Variants in SH2D4B observed in about 807,000 individuals in gnomAD.
The protein encoded by SH2D4B is SH2 domain-containing protein 4B.
SH2D4B carries 45 observed loss-of-function variants against 61.5 expected under a neutral mutation model. The observed-to-expected ratio is 0.73, with a 90% CI of 0.58 to 0.94. SH2D4B has a LOEUF of 0.94. Ranked by LOEUF, SH2D4B falls within the 40% of genes least tolerant of loss-of-function variation. The pLI, the probability that SH2D4B is intolerant of heterozygous loss-of-function variation, is 0.00. For missense variants in SH2D4B, 572 were observed against 574.2 expected, an observed-to-expected ratio of 1.00 and a Z score of 0.04; for synonymous variants, 224 against 220.4, an observed-to-expected ratio of 1.02 and a Z score of -0.14.
At chr10:80,594,662 T>G (rs968864908) in intron 4 of SH2D4B, among the ~76,000 whole-genome samples, 4 of 152,256 alleles carry the variant, frequency 2.6e-5, no homozygotes, top group African/African-American at 9.6e-5. Context: ...GTCTCTTCAC[T>G]TGTTATGAAC....
intron 6 of SH2D4B, among the ~76,000 whole-genome samples, chr10:80,627,350 A>G (rs1842776511): frequency 6.6e-6 from 1 of 152,156 alleles, no homozygotes; most frequent in Non-Finnish European, 1.5e-5. Flanking sequence ...TTTCAGTGGT[A>G]TGGAGAGCCC....
At chr10:80,560,693 CTTTTTTTTTTTT>C (rs58963330) in intron 1 of SH2D4B, among the ~76,000 whole-genome samples, 1 of 58,844 alleles carries the variant, frequency 1.7e-5, no homozygotes, top group African/African-American at 7.4e-5. Context: ...CCTGGCCAAG[CTTTTTTTTTTTT>C]TTTTTTTTTT....
At chr10:80,582,727 G>C (rs936233297) in intron 3 of SH2D4B, among the ~76,000 whole-genome samples, 1 of 152,190 alleles carries the variant, frequency 6.6e-6, no homozygotes, top group Non-Finnish European at 1.5e-5. Context: ...CTCCTGAGGG[G>C]AGACTTGAGG....
intron 7 of SH2D4B, among the ~76,000 whole-genome samples, chr10:80,638,929 A>G (rs1840239448): frequency 6.6e-6 from 1 of 152,230 alleles, no homozygotes; most frequent in Non-Finnish European, 1.5e-5. Context: ...ATTTAGTGCT[A>G]TAAATTTCCC....
At chr10:80,614,871 G>C (rs1387065223) in intron 6 of SH2D4B, among the ~76,000 whole-genome samples, 3 of 152,270 alleles carry the variant, frequency 2.0e-5, no homozygotes, top group African/African-American at 7.2e-5. Context: ...CCCTGTGACT[G>C]TCGGACTTCA....
chr10:80,542,228 T>C (rs1019793962), intron 1 of SH2D4B, among the ~76,000 whole-genome samples: 1 of 151,906 alleles, frequency 6.6e-6, no homozygotes, highest in Non-Finnish European at 1.5e-5. Context: ...GGAATGCACA[T>C]CCTGTGTTAG....
chr10:80,563,220 T>C lies in SH2D4B; in HGVS notation c.185-6934T>C, dbSNP rs188883177. On this transcript the variant is annotated intron_variant, in intron 1 of 7. Transcript: ENST00000646907. Reference sequence around the variant, plus strand: ...CCGGCCGATGCTGAACATTTTTTCATATACCTGTTGGCTATTTGTATGCCT... The same window carrying C: ...CCGGCCGATGCTGAACATTTTTTCACATACCTGTTGGCTATTTGTATGCCT... Among the ~76,000 whole-genome samples the C allele has an allele frequency of 2.3e-3, 352 of 152,364 alleles. 1 individual carries two copies. Among genetic ancestry groups the C allele is most frequent in the Admixed American group, 6.7e-3 (103 of 15,302 alleles).
chr10:80,636,726 A>T (rs910572568), intron 7 of SH2D4B, among the ~76,000 whole-genome samples: 11 of 151,924 alleles, frequency 7.2e-5, no homozygotes, highest in Admixed American at 5.9e-4. Flanking sequence ...TAGATTGCAA[A>T]AATTTTCTCC....
chr10:80,607,664 A>C (rs1369096789), intron 5 of SH2D4B, among the ~76,000 whole-genome samples: 1 of 152,232 alleles, frequency 6.6e-6, no homozygotes, highest in African/African-American at 2.4e-5. Flanking sequence ...ATAAGGAGGT[A>C]CGCTGAGCAC....
At chr10:80,591,237 T>G (rs1408198797) in intron 4 of SH2D4B, among the ~76,000 whole-genome samples, 1 of 152,150 alleles carries the variant, frequency 6.6e-6, no homozygotes, top group Non-Finnish European at 1.5e-5. Flanking sequence ...AACATATATT[T>G]TCAATTCTCT....
rs1347215643 is a variant in SH2D4B, at chr10:80,595,917, C to G, written c.643+7140C>G. On this transcript the variant is annotated intron_variant, in intron 4 of 7. Coordinates refer to ENST00000646907, the MANE Select transcript of SH2D4B (RefSeq NM_001388272.1). ...ATGCATGTGTATGCAGTTGAAATTACAGTGGGATTTTGCTTTTAAGTCTCC... is the reference window on the plus strand; with the variant it reads ...ATGCATGTGTATGCAGTTGAAATTAGAGTGGGATTTTGCTTTTAAGTCTCC... 6.6e-5 allele frequency among the ~76,000 whole-genome samples: 10 copies of G among 152,306 alleles called. No homozygotes were observed. The East Asian group carries it at 1.7e-3, about 26-fold the overall frequency.
intron 1 of SH2D4B, among the ~76,000 whole-genome samples, chr10:80,542,543 G>A (rs370988331): frequency 6.6e-5 from 10 of 151,234 alleles, no homozygotes; most frequent in South Asian, 2.1e-4. Flanking sequence ...GATTACAGGC[G>A]CCCACCACCA....
At chr10:80,592,994 C>T (rs1842348910) in intron 4 of SH2D4B, among the ~76,000 whole-genome samples, 1 of 152,158 alleles carries the variant, frequency 6.6e-6, no homozygotes, top group South Asian at 2.1e-4. Flanking sequence ...GCTGGGATTA[C>T]AGGCGTCAGC....
At chr10:80,572,986 A>G (rs9663600) in intron 3 of SH2D4B, among the ~76,000 whole-genome samples, 21 of 8,876 alleles carry the variant, frequency 2.4e-3, no homozygotes, top group Non-Finnish European at 3.2e-3. Flanking sequence ...ATATATATAT[A>G]TTTTTTTTTT....
rs1841965085 is a variant in SH2D4B, at chr10:80,566,095, A to C, written c.185-4059A>C. Among the ~76,000 whole-genome samples, 4 of 136,318 alleles carry C rather than the reference A, an allele frequency of 2.9e-5. No individual in the cohort carries two copies. The South Asian group carries it at 6.5e-4, about 22-fold the overall frequency. 89.4% of individuals were successfully genotyped at this position (136,318 alleles called of 152,430 possible). Reference sequence around the variant, plus strand: ...GACAGAGCGAGACTCCGGCTCAAAAAAAAAAAAAAAAAAAAAAAAAAAAGA... The same window carrying C: ...GACAGAGCGAGACTCCGGCTCAAAACAAAAAAAAAAAAAAAAAAAAAAAGA... On this transcript the variant is annotated intron_variant, in intron 1 of 7. Transcript: ENST00000646907.
At position 80,570,130 on chromosome 10, in the gene SH2D4B, C is replaced by G. The variant is rs377326212; in HGVS notation, c.185-24C>G. On this transcript the variant is annotated intron_variant, in intron 1 of 7. Coordinates refer to ENST00000646907, the MANE Select transcript of SH2D4B (RefSeq NM_001388272.1). ...TACTGATTGAAAATCAAACTTGTTTCTTCTTCCTTCTTCTATTGTGAAGCA... is the reference window on the plus strand; with the variant it reads ...TACTGATTGAAAATCAAACTTGTTTGTTCTTCCTTCTTCTATTGTGAAGCA... 3 of 1,613,620 alleles carry G rather than the reference C, an allele frequency of 1.9e-6. No individual in the cohort carries two copies. In the African/African-American group the frequency reaches 4.0e-5, roughly 22 times the overall value.
At chr10:80,546,155 G>T (rs1262786981) in intron 1 of SH2D4B, among the ~76,000 whole-genome samples, 1 of 149,728 alleles carries the variant, frequency 6.7e-6, no homozygotes, top group South Asian at 2.1e-4. Flanking sequence ...AGTGATCCTC[G>T]CACCTCAGCC....
At chr10:80,565,596 C>T (rs1407422115) in intron 1 of SH2D4B, among the ~76,000 whole-genome samples, 1 of 152,032 alleles carries the variant, frequency 6.6e-6, no homozygotes, top group Non-Finnish European at 1.5e-5. Flanking sequence ...TTATTTTTCT[C>T]AGATGACAAG....
intron 3 of SH2D4B, among the ~76,000 whole-genome samples, chr10:80,573,594 C>G (rs2132120723): frequency 6.6e-6 from 1 of 152,240 alleles, no homozygotes; most frequent in East Asian, 1.9e-4. Flanking sequence ...TCTGTCTTTT[C>G]CCTTCTCATT....
Sources: gnomAD v4.1 joint callset for allele counts (sites outside exome capture counted in the v4.1 genomes callset) on GRCh38, gnomAD v4.1.1 for gene constraint, MANE v1.5 for transcripts, NCBI Gene and HGNC (gene_info 2026-07-23, HGNC 2026-07-21) for gene names.